The following NTPCR variants were observed in gnomAD, a reference collection of about 807,000 sequenced individuals.
The protein encoded by NTPCR is nucleoside-triphosphatase, cancer-related, also known as cancer-related nucleoside-triphosphatase.
NTPCR carries 15 observed loss-of-function variants against 19.5 expected under a neutral mutation model. The ratio of observed to expected loss-of-function variants is 0.77; its 90% CI spans 0.51 to 1.18. NTPCR has a LOEUF of 1.18. Ranked by LOEUF, NTPCR falls within the 50% of genes most tolerant of loss-of-function variation. The pLI is 0.00. For missense variants in NTPCR, 206 were observed against 240.4 expected (o/e 0.86, Z 0.95); for synonymous variants, 90 against 95.8 (o/e 0.94, Z 0.36).
intron 4 of NTPCR, chr1:232,976,713 G>A (rs929206519): frequency 2.4e-6 from 2 of 823,300 alleles, no homozygotes; most frequent in Admixed American, 7.2e-5. Context: ...GACGCAGCCA[G>A]GACCGGTAGA....
chr1:232,976,785 G>T, intron 4 of NTPCR: 1 of 375,094 alleles, frequency 2.7e-6, no homozygotes, highest in Non-Finnish European at 4.7e-6. Context: ...GATTGACGCA[G>T]CCAGGACCAG....
rs536821537 is a variant in NTPCR, at chr1:232,978,338, G to T, written c.*107G>T. On this transcript the variant is annotated 3_prime_UTR_variant, in exon 5 of 5. Coordinates refer to ENST00000366628, the MANE Select transcript of NTPCR (RefSeq NM_032324.3). ...GCCTATGGGGTTATGGAACCTTGTG[G>T]GCTTTTCTAGAGAAAACTCAACAGC... is the stretch of plus-strand genomic sequence containing the variant. The T allele has an allele frequency of 3.2e-5, 27 of 854,198 alleles. 1 individual carries two copies. The African/African-American group carries it at 4.3e-4, about 14-fold the overall frequency. The allele number at this position is 854,198 out of a possible 1,614,324, so 52.9% of individuals were successfully genotyped here.
intron 4 of NTPCR, chr1:232,976,616 G>T: frequency 7.0e-7 from 1 of 1,426,854 alleles, no homozygotes; most frequent in Non-Finnish European, 9.2e-7. Context: ...GAAGCCAAAG[G>T]AAAAGCTGAC....
At chr1:232,963,957 C>G (rs771414233) in intron 3 of NTPCR, 2 of 151,844 alleles carry the variant, frequency 1.3e-5, no homozygotes, top group Non-Finnish European at 2.9e-5. Context: ...CCTAAATGTT[C>G]AGTATATTTT....
At chr1:232,967,375 T>C (rs1668850796) in intron 3 of NTPCR, 1 of 152,312 alleles carries the variant, frequency 6.6e-6, no homozygotes, top group South Asian at 2.1e-4. Flanking sequence ...AAATCACAGA[T>C]TTATTTTTGA....
At chr1:232,971,314 CA>C (rs956643398) in intron 4 of NTPCR, among the ~76,000 whole-genome samples, 1 of 152,164 alleles carries the variant, frequency 6.6e-6, no homozygotes, top group Admixed American at 6.5e-5. Context: ...CCACTCCTAT[CA>C]GGGGGAGTGG....
Position 232,956,378 on chromosome 1 carries a change from C to A in NTPCR, c.229C>A (p.Arg77=). The change falls in exon 3 of 5, where the codon CGA becomes AGA. Residue 77 remains arginine (R), a synonymous_variant. Transcript: ENST00000366628. ...LEPPPGKREC[R]VGQYVVDLTS... ...GCCTCCACCTGGAAAACGTGAATGC[C>A]GAGTTGGGCAGTATGTGGTCGACCT... 1.9e-6 allele frequency: 3 copies of A among 1,613,830 alleles called. No individual in the cohort carries two copies. Among genetic ancestry groups the A allele is most frequent in the Non-Finnish European group, 2.5e-6 (3 of 1,179,802 alleles).
intron 1 of NTPCR, among the ~76,000 whole-genome samples, chr1:232,953,573 G>A (rs995733102): frequency 6.6e-6 from 1 of 151,812 alleles, no homozygotes; most frequent in African/African-American, 2.4e-5. Flanking sequence ...GGCAATTTTT[G>A]TTAGGATAAG....
chr1:232,970,689 A>G (rs1169059932), intron 4 of NTPCR, among the ~76,000 whole-genome samples: 1 of 152,268 alleles, frequency 6.6e-6, no homozygotes, highest in African/African-American at 2.4e-5. Context: ...TGTTTAATAA[A>G]TTTAATCATA....
chr1:232,956,730 A>G (rs1204490329), intron 3 of NTPCR, among the ~76,000 whole-genome samples: 2 of 152,202 alleles, frequency 1.3e-5, no homozygotes, highest in African/African-American at 4.8e-5. Context: ...TCTCACAGTC[A>G]TGTCTTAACC....
At chr1:232,950,787 G>C (rs780686005) in intron 1 of NTPCR, 43 bp downstream of exon 1, 42 of 1,421,492 alleles carry the variant, frequency 3.0e-5, no homozygotes, top group Non-Finnish European at 3.9e-5. Flanking sequence ...TCGAGGGGGT[G>C]GGGGCGCGCG....
At chr1:232,958,908 C>T (rs1311992655) in intron 3 of NTPCR, among the ~76,000 whole-genome samples, 1 of 152,142 alleles carries the variant, frequency 6.6e-6, no homozygotes, top group African/African-American at 2.4e-5. Flanking sequence ...AGAGTTTGCA[C>T]AGGTGTTTAG....
chr1:232,954,174 C>G (rs1049965466), intron 1 of NTPCR, among the ~76,000 whole-genome samples: 4 of 152,218 alleles, frequency 2.6e-5, no homozygotes, highest in Non-Finnish European at 4.4e-5. Flanking sequence ...GCAGTTGTTA[C>G]TGATGGCCAG....
intron 3 of NTPCR, chr1:232,969,684 C>T: frequency 2.2e-6 from 1 of 462,986 alleles, no homozygotes; most frequent in Non-Finnish European, 3.9e-6. Context: ...GCATAGCTGC[C>T]AGCTTCCAAG....
At chr1:232,953,561 A>C (rs536036420) in intron 1 of NTPCR, among the ~76,000 whole-genome samples, 1 of 152,200 alleles carries the variant, frequency 6.6e-6, no homozygotes, top group East Asian at 1.9e-4. Flanking sequence ...CAAAATATAA[A>C]CGGCAATTTT....
rs1272616294 is a variant in NTPCR, at chr1:232,979,049, A to G, written c.*818A>G. On this transcript the variant is annotated 3_prime_UTR_variant, in exon 5 of 5. Coordinates refer to ENST00000366628, the MANE Select transcript of NTPCR (RefSeq NM_032324.3). This position sits in a 1 kb window ranked among gnomAD's most constrained non-coding sequence, Gnocchi z 5.3. The stretch of plus-strand genomic sequence containing the variant: ...TGTCAACCACTCCACACAACTGTGG[A>G]GAGTGCCCAGTGCCAGGGGCTGGGC... 1.3e-5 allele frequency: 2 copies of G among 152,180 alleles called. No homozygotes were observed. Among genetic ancestry groups the G allele is most frequent in the African/African-American group, 4.8e-5 (2 of 41,446 alleles). 9.4% of individuals were successfully genotyped at this position (152,180 alleles called of 1,614,324 possible).
At chr1:232,964,960 T>C (rs1396955855) in intron 3 of NTPCR, 3 of 152,192 alleles carry the variant, frequency 2.0e-5, no homozygotes. Context: ...TCATAACTCT[T>C]CCACCGTCTT....
chr1:232,974,441 G>A (rs1380715278), intron 4 of NTPCR, among the ~76,000 whole-genome samples: 1 of 152,240 alleles, frequency 6.6e-6, no homozygotes, highest in African/African-American at 2.4e-5. Context: ...CTCTGAGTGA[G>A]TGTAGTGGGC....
At chr1:232,962,393 G>T (rs1363401430) in intron 3 of NTPCR, 1 of 152,142 alleles carries the variant, frequency 6.6e-6, no homozygotes, top group African/African-American at 2.4e-5. Flanking sequence ...TATTGGTGAG[G>T]TTATTCATAG....
Sources: allele counts gnomAD v4.1 joint callset (sites outside exome capture counted in the v4.1 genomes callset), GRCh38; gene constraint gnomAD v4.1.1; non-coding constraint Gnocchi (gnomAD v3.1); transcripts MANE v1.5; gene names NCBI Gene and HGNC (gene_info 2026-07-23, HGNC 2026-07-21).